NSRP1: variants seen among roughly 807,000 people sequenced by gnomAD.
NSRP1 encodes the protein coiled-coil domain containing 55.
In NSRP1, 24 loss-of-function variants were observed where a neutral mutation model predicts 54.7. That is an observed-to-expected ratio of 0.44 (90% CI 0.32 to 0.62). The LOEUF (loss-of-function observed/expected upper bound fraction) is 0.62. Among genes scored for constraint, NSRP1 ranks in the 20% least tolerant of loss-of-function variants. NSRP1 has a pLI of 0.06. For synonymous variants in NSRP1, 210 were observed against 213.8 expected (o/e 0.98, Z 0.15); for missense variants, 596 against 651.2 (o/e 0.92, Z 0.92).
intron 2 of NSRP1, among the ~76,000 whole-genome samples, chr17:30,123,704 G>C (rs2071624672): frequency 6.6e-6 from 1 of 151,778 alleles, no homozygotes; most frequent in Non-Finnish European, 1.5e-5. Context: ...CTTGAGTTTA[G>C]GTCTTTCATA....
chr17:30,174,424 A>G (rs1454856292), intron 3 of NSRP1, among the ~76,000 whole-genome samples: 4 of 152,174 alleles, frequency 2.6e-5, no homozygotes, highest in Non-Finnish European at 4.4e-5. Flanking sequence ...TCATTTTACT[A>G]TGAAGAATAC....
At chr17:30,179,031 TATA>T (rs1365869648) in intron 4 of NSRP1, 56 bp from the exon 5 acceptor site, 2 of 1,031,910 alleles carry the variant, frequency 1.9e-6, no homozygotes, top group African/African-American at 1.6e-5. Flanking sequence ...TTATAAAAAT[TATA>T]ATATTAACAA....
At chr17:30,161,566 G>A (rs937412286) in intron 2 of NSRP1, among the ~76,000 whole-genome samples, 5 of 152,216 alleles carry the variant, frequency 3.3e-5, no homozygotes, top group Admixed American at 3.3e-4. Flanking sequence ...AAAGAAAAAT[G>A]TGGAAAACAG....
At position 30,162,024 on chromosome 17, in the gene NSRP1, CTT is replaced by C. The variant is rs200678690; in HGVS notation, c.115-10504_115-10503del. ...CTAAATTTTCTCTTCATAGCCATGT[CTT>C]TTTTTTTTTTTTTGAGATGGAGTCT... is the stretch of plus-strand genomic sequence containing the variant. On this transcript the variant is annotated intron_variant, in intron 2 of 6. Transcript: ENST00000247026. Among the ~76,000 whole-genome samples, 91 of 127,540 alleles carry C rather than the reference CTT, an allele frequency of 7.1e-4. 1 individual carries two copies. The highest frequency in any genetic ancestry group is 9.5e-4 in the East Asian group (4 of 4,190). 83.7% of individuals were successfully genotyped at this position (127,540 alleles called of 152,430 possible).
chr17:30,184,996 T>C lies in NSRP1; in HGVS notation c.999T>C (p.Thr333=), dbSNP rs141175440. Residue 333 remains threonine (T), a synonymous_variant, in exon 7 of 7, where the codon ACT becomes ACC. Coordinates refer to ENST00000247026, the MANE Select transcript of NSRP1 (RefSeq NM_032141.4). ...KQSRDQENHY[T]DRDYRKERDS... ...CCAGAGACCAAGAGAACCATTACACTGACCGTGATTACCGGAAAGAAAGGG... is the reference window on the plus strand; with the variant it reads ...CCAGAGACCAAGAGAACCATTACACCGACCGTGATTACCGGAAAGAAAGGG... The C allele has an allele frequency of 5.1e-5, 83 of 1,613,874 alleles. No homozygotes were observed. The African/African-American group carries it at 8.4e-4, about 16-fold the overall frequency.
At chr17:30,138,200 A>G (rs753013097) in intron 2 of NSRP1, among the ~76,000 whole-genome samples, 1 of 152,186 alleles carries the variant, frequency 6.6e-6, no homozygotes, top group Non-Finnish European at 1.5e-5. Context: ...TTTCTTCTCC[A>G]TTGTATATGT....
chr17:30,177,910 A>T, intron 3 of NSRP1, 161 bp from the exon 4 acceptor site: 2 of 835,302 alleles, frequency 2.4e-6, no homozygotes, highest in East Asian at 2.7e-5. Context: ...ATTCATACCC[A>T]GGCAGCCTGG....
intron 6 of NSRP1, among the ~76,000 whole-genome samples, chr17:30,181,710 A>G (rs1269707671): frequency 6.6e-6 from 1 of 150,776 alleles, no homozygotes; most frequent in Non-Finnish European, 1.5e-5. Flanking sequence ...TCTCAAGTTC[A>G]AGGGATTCTC....
rs556803704 is a variant in NSRP1, at chr17:30,119,541, C to T, written c.114+1368C>T. Among the ~76,000 whole-genome samples, 3 of 151,424 alleles carry T rather than the reference C, an allele frequency of 2.0e-5. No individual in the cohort carries two copies. The East Asian group carries it at 5.9e-4, about 30-fold the overall frequency. On this transcript the variant is annotated intron_variant, in intron 2 of 6. Coordinates refer to ENST00000247026, the MANE Select transcript of NSRP1 (RefSeq NM_032141.4). ...TTTTTGAGATGGAGTCTCCCTCTTT[C>T]GCCCAGGCTGGAGTGCAGTGGTGCG... is the stretch of plus-strand genomic sequence containing the variant.
At chr17:30,123,625 A>G (rs1242106976) in intron 2 of NSRP1, among the ~76,000 whole-genome samples, 1 of 152,172 alleles carries the variant, frequency 6.6e-6, no homozygotes, top group Non-Finnish European at 1.5e-5. Flanking sequence ...TACCTAAGAA[A>G]CCATTGCCTA....
chr17:30,184,467 C>G, intron 6 of NSRP1, 148 bp from the exon 7 acceptor site: 1 of 960,486 alleles, frequency 1.0e-6, no homozygotes, highest in Non-Finnish European at 1.4e-6. Flanking sequence ...GACATCAGGA[C>G]CTTTTTGCAT....
intron 2 of NSRP1, among the ~76,000 whole-genome samples, chr17:30,130,551 G>A (rs188486660): frequency 2.3e-4 from 35 of 152,196 alleles, no homozygotes; most frequent in African/African-American, 7.5e-4. Context: ...ATATCTACTT[G>A]ATTGGGTGTA....
chr17:30,178,092 G>A lies in NSRP1; in HGVS notation c.193G>A (p.Ala65Thr). ...TAAGACCAAACTGGAAATCCAGAAG[G>A]CCCTTGCAGAAGATGCTACTGTGTA... ...MKQTKLEIQKALAEDATVYEY... is the reference protein window; with the variant it reads ...MKQTKLEIQKTLAEDATVYEY... Residue 65 changes from alanine (A) to threonine (T), a missense_variant, in exon 4 of 7, where the codon GCC (alanine) becomes ACC (threonine). Coordinates refer to ENST00000247026, the MANE Select transcript of NSRP1 (RefSeq NM_032141.4). 1 of 1,611,840 alleles carries A rather than the reference G, an allele frequency of 6.2e-7. No individual in the cohort carries two copies. The highest frequency in any genetic ancestry group is 8.5e-7 in the Non-Finnish European group (1 of 1,179,460).
rs1490512060 is a variant in NSRP1 at position 30,128,110 on chromosome 17, C to T, written c.114+9937C>T. The stretch of plus-strand genomic sequence containing the variant: ...TGCTTTGGCCTCCCAAAGTGTTGGG[C>T]TTATAGGTGTGAGCCACTGCACCTG... On this transcript the variant is annotated intron_variant, in intron 2 of 6. Coordinates refer to ENST00000247026, the MANE Select transcript of NSRP1 (RefSeq NM_032141.4). The T allele has an allele frequency of 8.7e-6, 3 of 344,002 alleles. No homozygotes were observed. In the Admixed American group the frequency reaches 1.4e-4, roughly 16 times the overall value. 21.3% of individuals were successfully genotyped at this position (344,002 alleles called of 1,614,324 possible).
intron 2 of NSRP1, among the ~76,000 whole-genome samples, chr17:30,151,015 A>T (rs1239190127): frequency 6.6e-6 from 1 of 150,998 alleles, no homozygotes; most frequent in Non-Finnish European, 1.5e-5. Flanking sequence ...AGCATTTGTG[A>T]CTCTTTTATT....
At chr17:30,122,373 A>G (rs866783334) in intron 2 of NSRP1, 4 of 26,968 alleles carry the variant, frequency 1.5e-4, no homozygotes, top group African/African-American at 3.3e-4. Flanking sequence ...ATATATATAT[A>G]TATATATATA....
Position 30,160,657 on chromosome 17 carries a change from T to C in NSRP1, c.115-11885T>C, listed in dbSNP as rs1350664533. Among the ~76,000 whole-genome samples the C allele has an allele frequency of 2.6e-5, 4 of 152,328 alleles. No homozygotes were observed. The East Asian group carries it at 5.8e-4, about 22-fold the overall frequency. On this transcript the variant is annotated intron_variant, in intron 2 of 6. Coordinates refer to ENST00000247026, the MANE Select transcript of NSRP1 (RefSeq NM_032141.4). ...GTTGTAATGTCTCCTTTTTCATTTC[T>C]GCTTTTGTTTGAGTTCTTGGTTGGT...
chr17:30,172,995 G>A (rs1380184307), intron 3 of NSRP1, among the ~76,000 whole-genome samples: 1 of 147,736 alleles, frequency 6.8e-6, no homozygotes, highest in Non-Finnish European at 1.5e-5. Flanking sequence ...ATTGAGTCTT[G>A]CTCTGTTGCC....
At chr17:30,133,626 C>T (rs547046149) in intron 2 of NSRP1, among the ~76,000 whole-genome samples, 1 of 152,336 alleles carries the variant, frequency 6.6e-6, no homozygotes, top group Admixed American at 6.5e-5. Flanking sequence ...GCGTTGACTT[C>T]TCTTGGGCTT....
Sources: gnomAD v4.1 joint callset for allele counts (sites outside exome capture counted in the v4.1 genomes callset) on GRCh38, gnomAD v4.1.1 for gene constraint, MANE v1.5 for transcripts, NCBI Gene and HGNC (gene_info 2026-07-23, HGNC 2026-07-21) for gene names.